The following EPHA6 variants were observed in gnomAD, a reference collection of about 807,000 sequenced individuals.
EPHA6 encodes the protein ephrin type-A receptor 6.
In EPHA6, 50 loss-of-function variants were observed where a neutral mutation model predicts 112.0. The observed-to-expected ratio is 0.45, with a 90% CI of 0.36 to 0.56. EPHA6 has a LOEUF of 0.56. Ranked by LOEUF, EPHA6 falls within the 20% of genes least tolerant of loss-of-function variation. The pLI is 0.00. For synonymous variants in EPHA6, 529 were observed against 490.7 expected, an observed-to-expected ratio of 1.08 and a Z score of -1.03; for missense variants, 1,280 against 1,417.4, an observed-to-expected ratio of 0.90 and a Z score of 1.56.
intron 3 of EPHA6, among the ~76,000 whole-genome samples, chr3:97,108,869 G>T (rs528075100): frequency 2.0e-5 from 3 of 152,236 alleles, no homozygotes; most frequent in African/African-American, 7.2e-5. Flanking sequence ...CTACAGTGTT[G>T]CAGTCAACAT....
intron 4 of EPHA6, among the ~76,000 whole-genome samples, chr3:97,235,642 G>A (rs1444546564): frequency 2.0e-5 from 3 of 151,992 alleles, no homozygotes; most frequent in African/African-American, 7.2e-5. Context: ...ATTTCTAAAT[G>A]AACAACAATA....
intron 3 of EPHA6, among the ~76,000 whole-genome samples, chr3:97,026,387 T>C (rs1326484793): frequency 6.6e-6 from 1 of 152,196 alleles, no homozygotes; most frequent in African/African-American, 2.4e-5. Context: ...CAGTTGATTC[T>C]TCCTATCCAT....
intron 5 of EPHA6, among the ~76,000 whole-genome samples, chr3:97,329,772 G>A (rs927707169): frequency 6.6e-6 from 1 of 152,202 alleles, no homozygotes; most frequent in Non-Finnish European, 1.5e-5. Flanking sequence ...TAGGTTGCCT[G>A]TTCACTCTGA....
rs564893391 is a variant in EPHA6 at position 97,698,857 on chromosome 3, C to T, written c.2785-21404C>T. ...ATTTATTTTTGTATCCACAAGTCCT[C>T]GCACGGTGCCTGCCAAACGGTTCCT... On this transcript the variant is annotated intron_variant, in intron 14 of 17. Coordinates refer to ENST00000389672, the MANE Select transcript of EPHA6 (RefSeq NM_001080448.3). Among the ~76,000 whole-genome samples the T allele has an allele frequency of 2.6e-4, 39 of 152,236 alleles. No homozygotes were observed. In the South Asian group the frequency reaches 7.7e-3, roughly 30 times the overall value.
At chr3:97,593,133 G>C (rs556972635) in intron 12 of EPHA6, among the ~76,000 whole-genome samples, 3 of 152,136 alleles carry the variant, frequency 2.0e-5, no homozygotes, top group Admixed American at 6.5e-5. Context: ...AGAGTTGATA[G>C]AGAATTAAAG....
chr3:96,820,066 A>G (rs1157488684), intron 1 of EPHA6, among the ~76,000 whole-genome samples: 5 of 152,066 alleles, frequency 3.3e-5, no homozygotes, highest in African/African-American at 1.2e-4. Flanking sequence ...AGTGCGTAAC[A>G]TATAGTGGAA....
intron 11 of EPHA6, among the ~76,000 whole-genome samples, chr3:97,587,282 C>T (rs2093499385): frequency 6.6e-6 from 1 of 151,918 alleles, no homozygotes; most frequent in Admixed American, 6.6e-5. Context: ...AATGCAGACA[C>T]TCTATTCTCA....
intron 11 of EPHA6, among the ~76,000 whole-genome samples, chr3:97,578,115 T>C (rs555627341): frequency 6.6e-6 from 1 of 152,212 alleles, no homozygotes; most frequent in East Asian, 1.9e-4. Context: ...CCAGGAATGC[T>C]AAAAAAGGAA....
intron 14 of EPHA6, among the ~76,000 whole-genome samples, chr3:97,672,637 G>T (rs1477458001): frequency 1.3e-5 from 2 of 152,024 alleles, no homozygotes; most frequent in African/African-American, 4.8e-5. Context: ...AGGCAAAATG[G>T]AAGGACAGAG....
At chr3:97,703,660 A>G (rs778179949) in intron 14 of EPHA6, among the ~76,000 whole-genome samples, 39 of 152,296 alleles carry the variant, frequency 2.6e-4, no homozygotes, top group Non-Finnish European at 4.1e-4. Flanking sequence ...CAAAAGCACA[A>G]TCACATATAT....
intron 3 of EPHA6, among the ~76,000 whole-genome samples, chr3:97,160,443 AT>A (rs1043776817): frequency 4.0e-5 from 6 of 149,174 alleles, no homozygotes; most frequent in Middle Eastern, 3.5e-3. Flanking sequence ...TGCCTGGCTA[AT>A]TTTTTTTTTA....
intron 14 of EPHA6, among the ~76,000 whole-genome samples, chr3:97,716,700 T>C (rs1313575371): frequency 5.9e-5 from 9 of 152,088 alleles, no homozygotes; most frequent in Non-Finnish European, 5.9e-5. Flanking sequence ...CAATTAGATA[T>C]AAACTGTATC....
At chr3:97,369,472 G>A (rs1223587606) in intron 5 of EPHA6, among the ~76,000 whole-genome samples, 2 of 152,186 alleles carry the variant, frequency 1.3e-5, no homozygotes, top group Non-Finnish European at 2.9e-5. Context: ...TAAATAAAAT[G>A]TAGGAGTCCT....
intron 10 of EPHA6, among the ~76,000 whole-genome samples, chr3:97,521,495 G>A (rs2092542141): frequency 6.6e-6 from 1 of 152,182 alleles, no homozygotes; most frequent in East Asian, 1.9e-4. Flanking sequence ...CAGCAGGACA[G>A]AGAATAATGA....
At chr3:96,831,709 AC>A (rs1232420752) in intron 1 of EPHA6, among the ~76,000 whole-genome samples, 1 of 152,062 alleles carries the variant, frequency 6.6e-6, no homozygotes. Context: ...CCTGACTTGG[AC>A]ATCCTTATCT....
At chr3:96,917,418 C>CA (rs5851049) in intron 2 of EPHA6, among the ~76,000 whole-genome samples, 2,419 of 57,238 alleles carry the variant, frequency 0.042, 141 homozygotes, top group African/African-American at 0.12. Flanking sequence ...GACTCCATCT[C>CA]AAAAAAAAAA....
chr3:97,137,955 G>A (rs2075805475), intron 3 of EPHA6, among the ~76,000 whole-genome samples: 1 of 151,702 alleles, frequency 6.6e-6, no homozygotes, highest in Admixed American at 6.6e-5. Flanking sequence ...CCACAGAAAG[G>A]AACCAAAATA....
chr3:96,861,521 G>A (rs2036005208), intron 1 of EPHA6, among the ~76,000 whole-genome samples: 1 of 151,930 alleles, frequency 6.6e-6, no homozygotes, highest in Non-Finnish European at 1.5e-5. Flanking sequence ...ATACTCTCTA[G>A]CAGAGTAGAA....
chr3:96,903,002 A>G (rs1227991612), intron 2 of EPHA6, among the ~76,000 whole-genome samples: 1 of 152,202 alleles, frequency 6.6e-6, no homozygotes, highest in Non-Finnish European at 1.5e-5. Flanking sequence ...AATAACTGTA[A>G]TGTAATATGA....
Sources: allele counts gnomAD v4.1 joint callset (sites outside exome capture counted in the v4.1 genomes callset), GRCh38; gene constraint gnomAD v4.1.1; transcripts MANE v1.5; gene names NCBI Gene and HGNC (gene_info 2026-07-23, HGNC 2026-07-21).